The following PHYHIPL variants were observed in gnomAD, a reference collection of about 807,000 sequenced individuals.
PHYHIPL encodes phytanoyl-CoA 2-hydroxylase interacting protein like.
A neutral mutation model predicts 33.4 loss-of-function variants in PHYHIPL; 9 were observed. The observed-to-expected ratio is 0.27, with a 90% CI of 0.16 to 0.47. PHYHIPL has a LOEUF of 0.47. Ranked by LOEUF, PHYHIPL falls within the 20% of genes least tolerant of loss-of-function variation. PHYHIPL has a pLI of 0.99. For missense variants in PHYHIPL, 365 were observed against 460.7 expected (o/e 0.79, Z 1.90); for synonymous variants, 153 against 154.1 (o/e 0.99, Z 0.05).
intron 1 of PHYHIPL, among the ~76,000 whole-genome samples, chr10:59,178,462 A>G (rs1034691138): frequency 6.6e-5 from 10 of 152,108 alleles, no homozygotes; most frequent in African/African-American, 2.2e-4. Context: ...AGTCATTTGG[A>G]TTTTAGTTTA....
At chr10:59,198,018 T>G (rs1166389381) in intron 1 of PHYHIPL, among the ~76,000 whole-genome samples, 1 of 152,006 alleles carries the variant, frequency 6.6e-6, no homozygotes, top group Non-Finnish European at 1.5e-5. Flanking sequence ...AACTTAGATC[T>G]CTTTATTTTT....
intron 1 of PHYHIPL, among the ~76,000 whole-genome samples, chr10:59,179,014 T>G (rs969920221): frequency 6.6e-6 from 1 of 152,168 alleles, no homozygotes; most frequent in Admixed American, 6.5e-5. Flanking sequence ...AAGAGCTAAC[T>G]CTTCTACTAG....
chr10:59,177,538 T>G (rs1372302150), intron 1 of PHYHIPL: 1 of 1,551,550 alleles, frequency 6.4e-7, no homozygotes, highest in Non-Finnish European at 8.7e-7. Flanking sequence ...ACAGACACAA[T>G]CTTCATGGTT....
chr10:59,184,295 G>A (rs1288510938), intron 1 of PHYHIPL, among the ~76,000 whole-genome samples: 4 of 152,178 alleles, frequency 2.6e-5, no homozygotes, highest in African/African-American at 9.6e-5. Flanking sequence ...CTGAGTAGCT[G>A]CAACAGACCA....
At chr10:59,180,572 A>G (rs1439699114) in intron 1 of PHYHIPL, among the ~76,000 whole-genome samples, 2 of 151,870 alleles carry the variant, frequency 1.3e-5, no homozygotes, top group East Asian at 3.9e-4. Context: ...TATAAACCAT[A>G]GGGTTTATGA....
intron 1 of PHYHIPL, among the ~76,000 whole-genome samples, chr10:59,187,066 T>C (rs1201096187): frequency 6.6e-6 from 1 of 152,182 alleles, no homozygotes; most frequent in Non-Finnish European, 1.5e-5. Flanking sequence ...ATGCTTCCAG[T>C]TTTTGTCCAT....
Position 59,246,592 on chromosome 10 carries a change from C to T in PHYHIPL, c.*1001C>T. Reference sequence around the variant, plus strand: ...AAACATGTTTTCGTATAAAATAACACAAAATGATATACACTGAAGTTGATG... The same window carrying T: ...AAACATGTTTTCGTATAAAATAACATAAAATGATATACACTGAAGTTGATG... On this transcript the variant is annotated 3_prime_UTR_variant, in exon 5 of 5. Coordinates refer to ENST00000373880, the MANE Select transcript of PHYHIPL (RefSeq NM_032439.4). 1 of 397,412 alleles carries T rather than the reference C, an allele frequency of 2.5e-6. No homozygotes were observed. 24.6% of individuals were successfully genotyped at this position (397,412 alleles called of 1,614,324 possible). A position where few individuals can be genotyped will look rare whatever the true frequency, so the allele number is the denominator to read the frequency against.
chr10:59,213,707 T>C (rs1000579272), intron 1 of PHYHIPL, among the ~76,000 whole-genome samples: 1 of 152,182 alleles, frequency 6.6e-6, no homozygotes, highest in Non-Finnish European at 1.5e-5. Context: ...AAAAATAATG[T>C]TGTGTAAGTT....
chr10:59,177,360 C>A, intron 1 of PHYHIPL: 2 of 919,042 alleles, frequency 2.2e-6, no homozygotes, highest in Non-Finnish European at 1.5e-6. Context: ...CTTCCCCCAA[C>A]ACACACACAC....
At chr10:59,222,614 A>G (rs1471935509) in intron 1 of PHYHIPL, among the ~76,000 whole-genome samples, 1 of 152,104 alleles carries the variant, frequency 6.6e-6, no homozygotes. Flanking sequence ...TTATACTAAA[A>G]TATCATCACA....
chr10:59,242,103 T>G (rs1291631050), intron 4 of PHYHIPL, among the ~76,000 whole-genome samples: 1 of 152,174 alleles, frequency 6.6e-6, no homozygotes, highest in Non-Finnish European at 1.5e-5. Context: ...GGGGACACCC[T>G]TCTCCTTCCA....
At chr10:59,243,369 A>ATATC (rs1162995754) in intron 4 of PHYHIPL, among the ~76,000 whole-genome samples, 1 of 152,204 alleles carries the variant, frequency 6.6e-6, no homozygotes, top group East Asian at 1.9e-4. Context: ...TGTCAACAGC[A>ATATC]TATCTATCCT....
At chr10:59,194,044 G>GCA (rs1423660677) in intron 1 of PHYHIPL, among the ~76,000 whole-genome samples, 1 of 147,346 alleles carries the variant, frequency 6.8e-6, no homozygotes, top group Non-Finnish European at 1.5e-5. Context: ...CTTTTGTTTT[G>GCA]CACTATGTAT....
chr10:59,229,475 G>GA (rs1328981084), intron 1 of PHYHIPL, among the ~76,000 whole-genome samples: 3 of 151,976 alleles, frequency 2.0e-5, no homozygotes, highest in Non-Finnish European at 2.9e-5. Flanking sequence ...GGGAAGAAAA[G>GA]AAAAAATATG....
intron 1 of PHYHIPL, chr10:59,206,735 T>G: frequency 8.6e-7 from 1 of 1,162,726 alleles, no homozygotes; most frequent in Non-Finnish European, 1.1e-6. Context: ...CTGTTATGCA[T>G]TTCTTTTTTA....
intron 1 of PHYHIPL, among the ~76,000 whole-genome samples, chr10:59,233,499 G>T (rs1176909186): frequency 5.3e-5 from 8 of 151,582 alleles, no homozygotes; most frequent in African/African-American, 1.5e-4. Flanking sequence ...AAAAAAATGG[G>T]GTAAAATTTG....
Position 59,245,716 on chromosome 10 carries a change from A to T in PHYHIPL, c.*125A>T, listed in dbSNP as rs1339175086. On this transcript the variant is annotated 3_prime_UTR_variant, in exon 5 of 5. Coordinates refer to ENST00000373880, the MANE Select transcript of PHYHIPL (RefSeq NM_032439.4). ...GCACATGCCACTGTCACCAAAACAA[A>T]CAACTACCACTTTCCAAATTTCATT... 1.9e-6 allele frequency: 2 copies of T among 1,051,256 alleles called. No individual in the cohort carries two copies. The highest frequency in any genetic ancestry group is 3.2e-5 in the African/African-American group (2 of 62,402). The allele number at this position is 1,051,256 out of a possible 1,614,324, so 65.1% of individuals were successfully genotyped here. A position where few individuals can be genotyped will look rare whatever the true frequency, so the allele number is the denominator to read the frequency against.
chr10:59,218,017 A>G (rs1307674984), intron 1 of PHYHIPL, among the ~76,000 whole-genome samples: 1 of 152,144 alleles, frequency 6.6e-6, no homozygotes, highest in Non-Finnish European at 1.5e-5. Context: ...ATATACGTAT[A>G]CTTGACATCA....
At chr10:59,202,784 T>A (rs1839158244) in intron 1 of PHYHIPL, among the ~76,000 whole-genome samples, 1 of 152,220 alleles carries the variant, frequency 6.6e-6, no homozygotes, top group South Asian at 2.1e-4. Flanking sequence ...AGTCAGGATT[T>A]GAACCAGTTT....
Sources: allele counts gnomAD v4.1 joint callset (sites outside exome capture counted in the v4.1 genomes callset), GRCh38; gene constraint gnomAD v4.1.1; transcripts MANE v1.5; gene names NCBI Gene and HGNC (gene_info 2026-07-23, HGNC 2026-07-21).